Variants in SGCZ observed in about 807,000 individuals in gnomAD.
SGCZ encodes zeta-sarcoglycan.
A neutral mutation model predicts 41.3 loss-of-function variants in SGCZ; 40 were observed. The ratio of observed to expected loss-of-function variants is 0.97; its 90% CI spans 0.75 to 1.26. SGCZ has a LOEUF of 1.26. SGCZ is among the 50% of genes most tolerant of loss of function. SGCZ has a pLI of 0.00. For synonymous variants in SGCZ, 206 were observed against 137.5 expected, an observed-to-expected ratio of 1.50 and a Z score of -3.49; for missense variants, 552 against 369.8, an observed-to-expected ratio of 1.49 and a Z score of -4.04.
chr8:15,094,684 A>G (rs1223510826), intron 1 of SGCZ, among the ~76,000 whole-genome samples: 2 of 152,174 alleles, frequency 1.3e-5, no homozygotes, highest in Non-Finnish European at 2.9e-5. Context: ...TTGAACTGAA[A>G]TAATCCCCAT....
At position 14,244,236 on chromosome 8, in the gene SGCZ, C is replaced by T. The variant is rs796743531; in HGVS notation, c.337-6557G>A. ...CTTCCTTCTTCCTCCTCCTTCTCTTCCTTCTTCCTCCTCCTTCTCTTCCTT... is the reference window on the plus strand; with the variant it reads ...CTTCCTTCTTCCTCCTCCTTCTCTTTCTTCTTCCTCCTCCTTCTCTTCCTT... On this transcript the variant is annotated intron_variant, in intron 3 of 7. Coordinates refer to ENST00000382080, the MANE Select transcript of SGCZ (RefSeq NM_139167.4). Among the ~76,000 whole-genome samples, 18 of 151,920 alleles carry T rather than the reference C, an allele frequency of 1.2e-4. No homozygotes were observed. The East Asian group carries it at 3.5e-3, about 30-fold the overall frequency.
chr8:14,247,712 C>A (rs1293365154), intron 3 of SGCZ, among the ~76,000 whole-genome samples: 1 of 152,168 alleles, frequency 6.6e-6, no homozygotes, highest in Non-Finnish European at 1.5e-5. Flanking sequence ...ACTCCAGCTG[C>A]CTCTTCAGTT....
At chr8:15,171,186 A>G (rs565440518) in intron 1 of SGCZ, among the ~76,000 whole-genome samples, 1 of 152,340 alleles carries the variant, frequency 6.6e-6, no homozygotes, top group South Asian at 2.1e-4. Context: ...TTGAAAAAAG[A>G]TAAAGTAGTC....
intron 2 of SGCZ, among the ~76,000 whole-genome samples, chr8:14,451,257 T>G (rs1173003878): frequency 6.6e-6 from 1 of 152,218 alleles, no homozygotes; most frequent in East Asian, 1.9e-4. Flanking sequence ...ATGTTCTTTA[T>G]TTTTCTGTCC....
chr8:14,481,122 A>T (rs1801523463), intron 2 of SGCZ, among the ~76,000 whole-genome samples: 1 of 152,290 alleles, frequency 6.6e-6, no homozygotes, highest in South Asian at 2.1e-4. Flanking sequence ...AATACAAATA[A>T]CCCAATTAAA....
At chr8:14,245,943 A>G (rs1323139040) in intron 3 of SGCZ, among the ~76,000 whole-genome samples, 16 of 152,182 alleles carry the variant, frequency 1.1e-4, no homozygotes, top group Admixed American at 1.0e-3. Context: ...AAAGTCAGGA[A>G]GCAACAGGTG....
At chr8:14,403,237 A>C (rs1001146309) in intron 2 of SGCZ, among the ~76,000 whole-genome samples, 2 of 150,286 alleles carry the variant, frequency 1.3e-5, no homozygotes, top group African/African-American at 5.0e-5. Context: ...GTCTGCAAAC[A>C]GGGACAATTT....
intron 3 of SGCZ, among the ~76,000 whole-genome samples, chr8:14,280,296 A>G (rs1250525945): frequency 6.6e-6 from 1 of 151,888 alleles, no homozygotes. Context: ...ACATGTTCAA[A>G]TACAGGTAGT....
chr8:14,240,816 T>C (rs1246083447), intron 3 of SGCZ, among the ~76,000 whole-genome samples: 1 of 152,206 alleles, frequency 6.6e-6, no homozygotes, highest in Non-Finnish European at 1.5e-5. Flanking sequence ...CCATTGCTCA[T>C]GCATTTGAGG....
In SGCZ at chr8:14,676,866, G is replaced by T. The variant is rs577044308; in HGVS notation, c.40-121940C>A. Among the ~76,000 whole-genome samples, 4 of 152,128 alleles carry T rather than the reference G, an allele frequency of 2.6e-5. No individual in the cohort carries two copies. The East Asian group carries it at 5.8e-4, about 22-fold the overall frequency. On this transcript the variant is annotated intron_variant, in intron 1 of 7. Transcript: ENST00000382080. ...ACGTACAGCTAACACCATACTTAAC[G>T]GCTAGAAACTACCAGATTTACTGCA... is the stretch of plus-strand genomic sequence containing the variant.
chr8:14,622,977 A>G (rs1282074725), intron 1 of SGCZ, among the ~76,000 whole-genome samples: 1 of 152,192 alleles, frequency 6.6e-6, no homozygotes, highest in Non-Finnish European at 1.5e-5. Context: ...TCAGTAGCAG[A>G]GATGAAAGAA....
chr8:14,376,790 G>C (rs985885452), intron 2 of SGCZ, among the ~76,000 whole-genome samples: 2 of 152,126 alleles, frequency 1.3e-5, no homozygotes, highest in Non-Finnish European at 2.9e-5. Flanking sequence ...TAAAATTTTA[G>C]CTAGCAGAAT....
intron 1 of SGCZ, among the ~76,000 whole-genome samples, chr8:14,732,473 AATG>A (rs1199595428): frequency 1.3e-5 from 2 of 152,166 alleles, no homozygotes; most frequent in Non-Finnish European, 2.9e-5. Context: ...AATTATTCAA[AATG>A]ACCTCAAGTT....
At chr8:14,648,841 C>T (rs145041240) in intron 1 of SGCZ, among the ~76,000 whole-genome samples, 7 of 152,150 alleles carry the variant, frequency 4.6e-5, no homozygotes, top group African/African-American at 1.7e-4. Flanking sequence ...CTTGTAGTGA[C>T]ACTTTCATCA....
chr8:14,848,830 A>C (rs1490820159), intron 1 of SGCZ, among the ~76,000 whole-genome samples: 1 of 152,180 alleles, frequency 6.6e-6, no homozygotes. Context: ...TAAAAGGACA[A>C]AAGGATAAAA....
rs61049816 is a variant in SGCZ, at chr8:14,708,812, A to AGTGTGTGTGTGTGT, written c.40-153900_40-153887dup. On this transcript the variant is annotated intron_variant, in intron 1 of 7. Transcript: ENST00000382080. Reference sequence around the variant, plus strand: ...CACACTTGGAATGATGTTTTATTCGAGTGTGTGTGTGTGTGTGTGTGTGTG... The same window carrying AGTGTGTGTGTGTGT: ...CACACTTGGAATGATGTTTTATTCGAGTGTGTGTGTGTGTGTGTGTGTGTGTGTGTGTGTGTGTG... Among the ~76,000 whole-genome samples, 1,426 of 148,678 alleles carry AGTGTGTGTGTGTGT rather than the reference A, an allele frequency of 9.6e-3. 16 individuals are homozygous for AGTGTGTGTGTGTGT. Among genetic ancestry groups the AGTGTGTGTGTGTGT allele is most frequent in the African/African-American group, 0.02 (795 of 40,302 alleles).
chr8:14,960,934 C>CACACAA (rs1287985272), intron 1 of SGCZ, among the ~76,000 whole-genome samples: 1 of 32,188 alleles, frequency 3.1e-5, no homozygotes, highest in East Asian at 1.1e-3. Context: ...GGAAATGGCA[C>CACACAA]ACACACACAC....
intron 1 of SGCZ, among the ~76,000 whole-genome samples, chr8:14,776,661 T>A (rs972968835): frequency 1.3e-4 from 20 of 151,718 alleles, no homozygotes; most frequent in Non-Finnish European, 7.4e-5. Context: ...GCCCAGCTAA[T>A]TTTTTGTATT....
intron 1 of SGCZ, among the ~76,000 whole-genome samples, chr8:14,934,698 T>C (rs1800027660): frequency 6.6e-6 from 1 of 151,694 alleles, no homozygotes; most frequent in African/African-American, 2.4e-5. Context: ...TAAAGGATAA[T>C]TTTTTAAAGT....
Sources: allele counts gnomAD v4.1 joint callset (sites outside exome capture counted in the v4.1 genomes callset), GRCh38; gene constraint gnomAD v4.1.1; transcripts MANE v1.5; gene names NCBI Gene and HGNC (gene_info 2026-07-23, HGNC 2026-07-21).